The following CLTCL1 variants were observed in gnomAD, a reference collection of about 807,000 sequenced individuals.
CLTCL1 encodes the protein clathrin heavy chain 2.
Under a neutral mutation model 190.0 loss-of-function variants are expected in CLTCL1, and 159 were observed. The ratio of observed to expected loss-of-function variants is 0.84; its 90% CI spans 0.74 to 0.95. The LOEUF (loss-of-function observed/expected upper bound fraction) is 0.95. CLTCL1 is among the 40% of genes least tolerant of loss of function. CLTCL1 has a pLI of 0.00. For synonymous variants in CLTCL1, 752 were observed against 769.6 expected, an observed-to-expected ratio of 0.98 and a Z score of 0.38; for missense variants, 1,878 against 2,033.4, an observed-to-expected ratio of 0.92 and a Z score of 1.47.
chr22:19,226,882 C>T lies in CLTCL1; in HGVS notation c.1783-499G>A, dbSNP rs118112536. On this transcript the variant is annotated intron_variant, in intron 11 of 32. Transcript: ENST00000427926. Reference sequence around the variant, plus strand: ...CCTCCCAAGTAGCTGGGATTACAGACGCACACCAACATGCCTGGCTTATTT... The same window carrying T: ...CCTCCCAAGTAGCTGGGATTACAGATGCACACCAACATGCCTGGCTTATTT... 1.2e-3 allele frequency among the ~76,000 whole-genome samples: 184 copies of T among 152,140 alleles called. 2 individuals are homozygous for T. In the East Asian group the frequency reaches 0.032, roughly 27 times the overall value.
intron 3 of CLTCL1, among the ~76,000 whole-genome samples, chr22:19,245,861 T>A (rs993819960): frequency 6.6e-6 from 1 of 152,238 alleles, no homozygotes; most frequent in African/African-American, 2.4e-5. Flanking sequence ...GGTTAAATAA[T>A]GTCCCACTGT....
chr22:19,183,872 G>A lies in CLTCL1; in HGVS notation c.4606-261C>T, dbSNP rs532324156. On this transcript the variant is annotated intron_variant, in intron 29 of 32. Transcript: ENST00000427926. The stretch of plus-strand genomic sequence containing the variant: ...CCTGGGAGACAGGAACTCTAGCCCC[G>A]AGGGCAGAGGGCGTGCACAGGCTGC... 41 of 506,106 alleles carry A rather than the reference G, an allele frequency of 8.1e-5. No individual in the cohort carries two copies. The East Asian group carries it at 1.2e-3, about 15-fold the overall frequency. The allele number at this position is 506,106 out of a possible 1,614,324, so 31.4% of individuals were successfully genotyped here. A position where few individuals can be genotyped will look rare whatever the true frequency, so the allele number is the denominator to read the frequency against.
intron 27 of CLTCL1, among the ~76,000 whole-genome samples, chr22:19,190,568 C>T (rs2084458579): frequency 7.1e-6 from 1 of 140,198 alleles, no homozygotes; most frequent in African/African-American, 2.7e-5. Flanking sequence ...CACTGCACTC[C>T]CACCTGGGCA....
chr22:19,190,596 CAAA>C (rs55780206), intron 27 of CLTCL1, among the ~76,000 whole-genome samples: 10,357 of 72,970 alleles, frequency 0.14, 808 homozygotes, highest in African/African-American at 0.34. Flanking sequence ...AAGACTGTCT[CAAA>C]AAAAAAAAAA....
intron 2 of CLTCL1, among the ~76,000 whole-genome samples, chr22:19,268,257 A>T (rs1160239328): frequency 3.3e-5 from 5 of 152,166 alleles, no homozygotes; most frequent in Non-Finnish European, 7.4e-5. Context: ...AACCCTTAAC[A>T]GACACACTAT....
intron 3 of CLTCL1, among the ~76,000 whole-genome samples, chr22:19,253,321 A>T (rs1285605642): frequency 6.6e-6 from 1 of 152,098 alleles, no homozygotes; most frequent in Non-Finnish European, 1.5e-5. Flanking sequence ...GCAATTACCA[A>T]GGACAGGCCA....
chr22:19,257,379 G>C (rs1048819111), intron 2 of CLTCL1: 1 of 157,790 alleles, frequency 6.3e-6, no homozygotes. Context: ...GGGAAAACTG[G>C]GTCCACAAAA....
chr22:19,235,967 G>C, intron 5 of CLTCL1, 98 bp from the exon 6 acceptor site: 1 of 1,174,972 alleles, frequency 8.5e-7, no homozygotes, highest in Non-Finnish European at 1.2e-6. Flanking sequence ...TTGTTTGTTT[G>C]TTTGTTTTTT....
chr22:19,229,696 C>T (rs1216316887), intron 11 of CLTCL1, 142 bp downstream of exon 11: 10 of 708,988 alleles, frequency 1.4e-5, no homozygotes, highest in African/African-American at 1.9e-5. Context: ...TAAGGAAAGT[C>T]ATGGAGAATG....
intron 21 of CLTCL1, 82 bp downstream of exon 21, chr22:19,208,838 TTG>T: frequency 8.8e-7 from 1 of 1,140,978 alleles, no homozygotes; most frequent in East Asian, 2.6e-5. Flanking sequence ...ACGTAGAGAT[TTG>T]TGAGAATCTC....
chr22:19,233,334 G>C lies in CLTCL1; in HGVS notation c.1369-16C>G. On this transcript the variant is annotated splice_polypyrimidine_tract_variant and intron_variant, in intron 8 of 32. Coordinates refer to ENST00000427926, the MANE Select transcript of CLTCL1 (RefSeq NM_007098.4). ...AGCACTCCAGCTGTGGTATGCCAAG[G>C]GACAAGGCAAAGTTAGGAGGCAGGT... The C allele has an allele frequency of 6.2e-7, 1 of 1,611,116 alleles. No homozygotes were observed. The highest frequency in any genetic ancestry group is 8.5e-7 in the Non-Finnish European group (1 of 1,177,442).
intron 19 of CLTCL1, among the ~76,000 whole-genome samples, chr22:19,214,709 C>G (rs1185869884): frequency 7.2e-6 from 1 of 139,376 alleles, no homozygotes; most frequent in East Asian, 2.1e-4. Flanking sequence ...GAGATGGAGT[C>G]TCGCTCTGTC....
At chr22:19,228,332 C>G (rs976433663) in intron 11 of CLTCL1, among the ~76,000 whole-genome samples, 1 of 152,222 alleles carries the variant, frequency 6.6e-6, no homozygotes, top group African/African-American at 2.4e-5. Flanking sequence ...GAGAAGACTG[C>G]CAGCGTCCTG....
intron 8 of CLTCL1, 49 bp downstream of exon 8, chr22:19,233,373 C>T (rs782424227): frequency 6.2e-7 from 1 of 1,610,406 alleles, no homozygotes; most frequent in Admixed American, 1.7e-5. Context: ...GAGCCTGGAC[C>T]AAGTTTTCAA....
chr22:19,205,320 G>A (rs1601511738), intron 22 of CLTCL1, among the ~76,000 whole-genome samples: 1 of 152,186 alleles, frequency 6.6e-6, no homozygotes, highest in East Asian at 1.9e-4. Context: ...GACCAGCCTG[G>A]GCAACATGGT....
At chr22:19,186,438 T>C (rs2084317055) in intron 29 of CLTCL1, among the ~76,000 whole-genome samples, 2 of 152,090 alleles carry the variant, frequency 1.3e-5, no homozygotes, top group South Asian at 4.2e-4. Flanking sequence ...CAGATCCCGG[T>C]CTGAGAATGA....
At position 19,212,659 on chromosome 22, in the gene CLTCL1, G is replaced by GAAAGAAAGA. The variant is rs1555947580; in HGVS notation, c.3066-2151_3066-2150insTCTTTCTTT. Among the ~76,000 whole-genome samples the GAAAGAAAGA allele has an allele frequency of 3.2e-3, 474 of 149,768 alleles. 2 individuals carry two copies. Among genetic ancestry groups the GAAAGAAAGA allele is most frequent in the African/African-American group, 0.011 (441 of 41,264 alleles). Reference sequence around the variant, plus strand: ...GAAAGAGAAAGAAAAAAGAAAGAAAGAAAGAAAAGAAAGAAAGAAAGAACA... The same window carrying GAAAGAAAGA: ...GAAAGAGAAAGAAAAAAGAAAGAAAGAAAGAAAGAAAAGAAAAGAAAGAAAGAAAGAACA... On this transcript the variant is annotated intron_variant, in intron 19 of 32. Transcript: ENST00000427926.
chr22:19,232,643 TG>T (rs2085953414), intron 9 of CLTCL1, 45 bp from the exon 10 acceptor site: 1 of 1,568,270 alleles, frequency 6.4e-7, no homozygotes, highest in Non-Finnish European at 8.6e-7. Context: ...TGAAAAACCC[TG>T]GGCATTAGAA....
chr22:19,193,866 G>A (rs2084602199), intron 26 of CLTCL1, among the ~76,000 whole-genome samples: 1 of 152,216 alleles, frequency 6.6e-6, no homozygotes, highest in Non-Finnish European at 1.5e-5. Flanking sequence ...GAGTGTTACA[G>A]CTTTTAAACC....
Sources: allele counts gnomAD v4.1 joint callset (sites outside exome capture counted in the v4.1 genomes callset), GRCh38; gene constraint gnomAD v4.1.1; transcripts MANE v1.5; gene names NCBI Gene and HGNC (gene_info 2026-07-23, HGNC 2026-07-21).